NKAIN3: variants seen among roughly 807,000 people sequenced by gnomAD.
NKAIN3 encodes the protein sodium/potassium-transporting ATPase subunit beta-1-interacting protein 3.
In NKAIN3, 25 loss-of-function variants were observed where a neutral mutation model predicts 30.2. That is an observed-to-expected ratio of 0.83 (90% CI 0.60 to 1.16). NKAIN3 has a LOEUF of 1.16. Among genes scored for constraint, NKAIN3 ranks in the 50% most tolerant of loss-of-function variants. The pLI, the probability that NKAIN3 is intolerant of heterozygous loss-of-function variation, is 0.00. For missense variants in NKAIN3, 225 were observed against 254.1 expected (o/e 0.89, Z 0.78); for synonymous variants, 91 against 89.6 (o/e 1.02, Z -0.09).
At chr8:62,412,554 G>A (rs1381056786) in intron 1 of NKAIN3, among the ~76,000 whole-genome samples, 1 of 151,962 alleles carries the variant, frequency 6.6e-6, no homozygotes, top group African/African-American at 2.4e-5. Context: ...ATCCAACAAA[G>A]GTCTACTATC....
chr8:62,349,656 A>C (rs1054553214), intron 1 of NKAIN3, among the ~76,000 whole-genome samples: 4 of 152,182 alleles, frequency 2.6e-5, no homozygotes, highest in Non-Finnish European at 4.4e-5. Flanking sequence ...GTCGGGGTCC[A>C]TCTGGAAAGA....
chr8:62,723,307 C>A (rs1050320340), intron 3 of NKAIN3, among the ~76,000 whole-genome samples: 3 of 152,032 alleles, frequency 2.0e-5, no homozygotes, highest in East Asian at 1.9e-4. Context: ...TAACAAAAAA[C>A]ACACACACAA....
intron 4 of NKAIN3, among the ~76,000 whole-genome samples, chr8:62,764,754 T>G (rs1323848978): frequency 1.3e-5 from 2 of 152,238 alleles, no homozygotes; most frequent in Non-Finnish European, 2.9e-5. Context: ...AAATTTCGTC[T>G]GCTTGACAAT....
At chr8:62,517,699 C>T (rs1439222015) in intron 1 of NKAIN3, among the ~76,000 whole-genome samples, 1 of 152,096 alleles carries the variant, frequency 6.6e-6, no homozygotes, top group Non-Finnish European at 1.5e-5. Flanking sequence ...TCTGCTCACC[C>T]ATAACACAAA....
chr8:62,606,206 C>T (rs1277931972), intron 3 of NKAIN3, among the ~76,000 whole-genome samples: 1 of 152,088 alleles, frequency 6.6e-6, no homozygotes, highest in African/African-American at 2.4e-5. Flanking sequence ...ACTAAGGTCA[C>T]TACCCTTGAG....
chr8:62,307,568 T>C (rs910294884), intron 1 of NKAIN3, among the ~76,000 whole-genome samples: 2 of 150,640 alleles, frequency 1.3e-5, no homozygotes, highest in African/African-American at 2.5e-5. Flanking sequence ...TTGAAATATT[T>C]TTCATCTGTG....
intron 1 of NKAIN3, among the ~76,000 whole-genome samples, chr8:62,298,138 A>C (rs1461740439): frequency 7.7e-6 from 1 of 129,988 alleles, no homozygotes; most frequent in African/African-American, 2.9e-5. Flanking sequence ...TCACATGGAC[A>C]CAGGAAGGGG....
intron 4 of NKAIN3, among the ~76,000 whole-genome samples, chr8:62,870,894 A>G (rs1820621605): frequency 1.7e-5 from 2 of 115,766 alleles, no homozygotes; most frequent in South Asian, 5.6e-4. Flanking sequence ...AAGCCGTCTT[A>G]CTGTTTAGCT....
At chr8:62,249,762 A>T (rs1812031911) in intron 1 of NKAIN3, among the ~76,000 whole-genome samples, 1 of 152,014 alleles carries the variant, frequency 6.6e-6, no homozygotes, top group South Asian at 2.1e-4. Context: ...GCGGCGACAG[A>T]CTGACAGCTG....
At chr8:62,540,730 G>T (rs1808810934) in intron 1 of NKAIN3, among the ~76,000 whole-genome samples, 1 of 151,842 alleles carries the variant, frequency 6.6e-6, no homozygotes, top group Non-Finnish European at 1.5e-5. Context: ...ATGTGTGTGT[G>T]TGTGTTGTCT....
rs983594720 is a variant in NKAIN3 at position 62,799,912 on chromosome 8, G to A, written c.471+52783G>A. On this transcript the variant is annotated intron_variant, in intron 4 of 6. Transcript: ENST00000623646. ...AATGGCATTTGTAGCAACCTGGGTG[G>A]AATTGGAGGCTATTATTCTAAGTGA... Among the ~76,000 whole-genome samples the A allele has an allele frequency of 2.6e-5, 4 of 152,150 alleles. 1 individual carries two copies. The South Asian group carries it at 6.2e-4, about 24-fold the overall frequency.
At position 62,882,148 on chromosome 8, in the gene NKAIN3, A is replaced by C. The variant is rs562380983; in HGVS notation, c.472-36305A>C. ...GAGTTATTTGTATATTTAGGATAAC[A>C]GTCCTTTATCAGATGCCTCTTTTGC... is the stretch of plus-strand genomic sequence containing the variant. On this transcript the variant is annotated intron_variant, in intron 4 of 6. Coordinates refer to ENST00000623646, the MANE Select transcript of NKAIN3 (RefSeq NM_001304533.3). Among the ~76,000 whole-genome samples, 27 of 152,264 alleles carry C rather than the reference A, an allele frequency of 1.8e-4. No individual in the cohort carries two copies. In the South Asian group the frequency reaches 5.4e-3, roughly 30 times the overall value.
intron 3 of NKAIN3, among the ~76,000 whole-genome samples, chr8:62,664,449 C>T (rs1401659239): frequency 6.6e-6 from 1 of 152,154 alleles, no homozygotes; most frequent in Admixed American, 6.5e-5. Context: ...TCTCCTCAAC[C>T]TCAACTTTGT....
chr8:62,828,859 G>A (rs1323072267), intron 4 of NKAIN3, among the ~76,000 whole-genome samples: 3 of 152,150 alleles, frequency 2.0e-5, no homozygotes, highest in African/African-American at 7.2e-5. Flanking sequence ...CTCCCAGCCA[G>A]CAGCTAGGAC....
intron 3 of NKAIN3, among the ~76,000 whole-genome samples, chr8:62,678,411 A>G (rs1813545196): frequency 6.6e-6 from 1 of 152,144 alleles, no homozygotes; most frequent in South Asian, 2.1e-4. Flanking sequence ...TTCGAAATAG[A>G]TGAGTAAGAG....
intron 1 of NKAIN3, among the ~76,000 whole-genome samples, chr8:62,324,142 A>G (rs1398991984): frequency 6.6e-6 from 1 of 152,152 alleles, no homozygotes; most frequent in Non-Finnish European, 1.5e-5. Context: ...TATAGACTCA[A>G]CAATTGTAAT....
chr8:62,963,536 C>T (rs2130907213), intron 6 of NKAIN3, among the ~76,000 whole-genome samples: 1 of 152,348 alleles, frequency 6.6e-6, no homozygotes, highest in Admixed American at 6.5e-5. Flanking sequence ...ACACCTTCTC[C>T]TGTTGCCTTA....
chr8:62,679,095 A>G (rs1228064613), intron 3 of NKAIN3, among the ~76,000 whole-genome samples: 2 of 152,212 alleles, frequency 1.3e-5, no homozygotes, highest in African/African-American at 2.4e-5. Context: ...ATGCTGTTCA[A>G]CCCAGACAGG....
chr8:62,885,365 C>T (rs1301993316), intron 4 of NKAIN3, among the ~76,000 whole-genome samples: 2 of 152,132 alleles, frequency 1.3e-5, no homozygotes, highest in African/African-American at 2.4e-5. Context: ...GATTTGTATG[C>T]TTTAAATTGT....
Sources: allele counts gnomAD v4.1 joint callset (sites outside exome capture counted in the v4.1 genomes callset), GRCh38; gene constraint gnomAD v4.1.1; transcripts MANE v1.5; gene names NCBI Gene and HGNC (gene_info 2026-07-23, HGNC 2026-07-21).